Variants in ADGB observed in about 807,000 individuals in gnomAD.
ADGB encodes androglobin.
Under a neutral mutation model 210.5 loss-of-function variants are expected in ADGB, and 172 were observed. The ratio of observed to expected loss-of-function variants is 0.82; its 90% CI spans 0.72 to 0.93. The LOEUF (loss-of-function observed/expected upper bound fraction) is 0.93. Among genes scored for constraint, ADGB ranks in the 40% least tolerant of loss-of-function variants. The pLI is 0.00. For missense variants in ADGB, 2,025 were observed against 1,964.8 expected (o/e 1.03, Z -0.58); for synonymous variants, 658 against 662.7 (o/e 0.99, Z 0.11).
At chr6:146,794,418 T>A (rs952879787) in intron 33 of ADGB, among the ~76,000 whole-genome samples, 1 of 149,036 alleles carries the variant, frequency 6.7e-6, no homozygotes. Flanking sequence ...AAAACCTTAC[T>A]GTTTCCTCAC....
At chr6:146,790,668 T>C (rs1264409207) in intron 33 of ADGB, among the ~76,000 whole-genome samples, 1 of 152,222 alleles carries the variant, frequency 6.6e-6, no homozygotes, top group Non-Finnish European at 1.5e-5. Flanking sequence ...CAGACACCTC[T>C]TTTACGTACT....
chr6:146,803,046 AG>A, intron 35 of ADGB: 1 of 1,576,698 alleles, frequency 6.3e-7, no homozygotes, highest in Non-Finnish European at 8.7e-7. Context: ...CTTTACTAGA[AG>A]CAACAAGTCT....
chr6:146,701,140 C>T, intron 13 of ADGB, 70 bp downstream of exon 13: 2 of 1,441,242 alleles, frequency 1.4e-6, no homozygotes, highest in Non-Finnish European at 1.9e-6. Flanking sequence ...CATTGTGAAA[C>T]ATACTATACA....
At chr6:146,751,487 T>A (rs771394788) in intron 26 of ADGB, among the ~76,000 whole-genome samples, 1 of 152,136 alleles carries the variant, frequency 6.6e-6, no homozygotes, top group Admixed American at 6.6e-5. Context: ...TTTCTCTGGG[T>A]ATATACCCAG....
intron 24 of ADGB, 91 bp from the exon 25 acceptor site, chr6:146,741,027 A>AT: frequency 1.9e-6 from 2 of 1,063,662 alleles, no homozygotes; most frequent in Non-Finnish European, 2.5e-6. Flanking sequence ...GGAACTTTGG[A>AT]TTTTTAAAAA....
At chr6:146,807,418 C>A in intron 35 of ADGB, 2 of 1,551,414 alleles carry the variant, frequency 1.3e-6, no homozygotes, top group Non-Finnish European at 1.7e-6. Context: ...TTAGATGAAG[C>A]CCGACAGAAA....
chr6:146,800,055 G>A (rs1279695383), intron 33 of ADGB, among the ~76,000 whole-genome samples: 2 of 152,006 alleles, frequency 1.3e-5, no homozygotes, highest in African/African-American at 2.4e-5. Flanking sequence ...TGATCCACCC[G>A]CCTTGGCCTC....
chr6:146,721,270 G>A (rs892418746), intron 16 of ADGB, 133 bp from the exon 17 acceptor site: 2 of 611,302 alleles, frequency 3.3e-6, no homozygotes, highest in African/African-American at 3.7e-5. Flanking sequence ...GATTCATAAA[G>A]TATTTATTGT....
intron 1 of ADGB, among the ~76,000 whole-genome samples, chr6:146,618,738 A>T (rs966382744): frequency 6.6e-6 from 1 of 152,056 alleles, no homozygotes; most frequent in African/African-American, 2.4e-5. Flanking sequence ...TTGATTTTTT[A>T]AAATTTGATA....
At chr6:146,803,756 A>G in intron 35 of ADGB, 1 of 713,064 alleles carries the variant, frequency 1.4e-6, no homozygotes, top group South Asian at 1.8e-5. Context: ...GCCTCAGCCC[A>G]GCCTCCGCGC....
chr6:146,811,943 G>T (rs1242037538), intron 35 of ADGB, among the ~76,000 whole-genome samples: 1 of 151,970 alleles, frequency 6.6e-6, no homozygotes, highest in Admixed American at 6.6e-5. Flanking sequence ...CAAAGTGCTG[G>T]GATTACAGGT....
chr6:146,739,987 C>T (rs890519577), intron 23 of ADGB, among the ~76,000 whole-genome samples: 1 of 152,236 alleles, frequency 6.6e-6, no homozygotes, highest in African/African-American at 2.4e-5. Flanking sequence ...GCACTCTCCA[C>T]TTGCGCATAG....
chr6:146,625,676 A>G (rs559732889), intron 1 of ADGB, among the ~76,000 whole-genome samples: 1 of 152,060 alleles, frequency 6.6e-6, no homozygotes, highest in African/African-American at 2.4e-5. Flanking sequence ...GACATGCCTG[A>G]TACTGCTTTG....
At chr6:146,724,130 G>A in intron 17 of ADGB, 56 bp from the exon 18 acceptor site, 1 of 1,446,242 alleles carries the variant, frequency 6.9e-7, no homozygotes, top group Admixed American at 2.6e-5. Context: ...CAGTACTAGT[G>A]AATGCCAACT....
At chr6:146,664,462 A>G (rs1251887894) in intron 6 of ADGB, 122 bp downstream of exon 6, 3 of 1,013,168 alleles carry the variant, frequency 3.0e-6, no homozygotes, top group Non-Finnish European at 4.1e-6. Flanking sequence ...CCCCTAAACA[A>G]TGTAATGCTC....
intron 11 of ADGB, among the ~76,000 whole-genome samples, chr6:146,692,428 C>T (rs1457281762): frequency 6.6e-6 from 1 of 152,114 alleles, no homozygotes; most frequent in African/African-American, 2.4e-5. Context: ...TATGTTAGTT[C>T]ACATTTCCTC....
chr6:146,691,450 AT>A lies in ADGB; in HGVS notation c.1486+161del, dbSNP rs1178704186. Among the ~76,000 whole-genome samples the A allele has an allele frequency of 3.3e-4, 6 of 18,032 alleles. 1 individual carries two copies. The highest frequency in any genetic ancestry group is 1.7e-3 in the Admixed American group (2 of 1,202). The allele number at this position is 18,032 out of a possible 152,430, so 11.8% of individuals were successfully genotyped here. ...TATATATATATATATATAAAAATAT[AT>A]ATATATAAAAATATATATATATATA... On this transcript the variant is annotated intron_variant, in intron 11 of 35. Transcript: ENST00000397944.
rs575226448 is a variant in ADGB at position 146,691,086 on chromosome 6, A to G, written c.1312-30A>G. 1.1e-5 allele frequency: 16 copies of G among 1,498,762 alleles called. 1 individual carries two copies. In the South Asian group the frequency reaches 1.9e-4, roughly 17 times the overall value. The allele number at this position is 1,498,762 out of a possible 1,614,324, so 92.8% of individuals were successfully genotyped here. ...AAAGCATTGTTTTGAATGAAGGAGA[A>G]TGCTTTTCAATTTACTTTCCATCTT... On this transcript the variant is annotated intron_variant, in intron 10 of 35. Coordinates refer to ENST00000397944, the MANE Select transcript of ADGB (RefSeq NM_024694.4).
intron 26 of ADGB, 137 bp from the exon 27 acceptor site, chr6:146,752,393 C>A: frequency 1.4e-6 from 1 of 711,496 alleles, no homozygotes; most frequent in South Asian, 2.3e-5. Flanking sequence ...TACCTCTCAC[C>A]AGGCCCCACC....
Sources: allele counts gnomAD v4.1 joint callset (sites outside exome capture counted in the v4.1 genomes callset), GRCh38; gene constraint gnomAD v4.1.1; transcripts MANE v1.5; gene names NCBI Gene and HGNC (gene_info 2026-07-23, HGNC 2026-07-21).